The following COLEC11 variants were observed in gnomAD, a reference collection of about 807,000 sequenced individuals.
The protein encoded by COLEC11 is collectin-11.
A neutral mutation model predicts 27.3 loss-of-function variants in COLEC11; 20 were observed. The ratio of observed to expected loss-of-function variants is 0.73; its 90% CI spans 0.51 to 1.06. The LOEUF (loss-of-function observed/expected upper bound fraction) is 1.06. Among genes scored for constraint, COLEC11 ranks in the 50% least tolerant of loss-of-function variants. The probability of loss-of-function intolerance (pLI) is 0.00; values close to 1 mark genes in which losing one functional copy is unlikely to be tolerated. For missense variants in COLEC11, 310 were observed against 383.0 expected, an observed-to-expected ratio of 0.81 and a Z score of 1.59; for synonymous variants, 163 against 154.7, an observed-to-expected ratio of 1.05 and a Z score of -0.40.
chr2:3,597,682 A>G (rs1022682029), intron 1 of COLEC11, among the ~76,000 whole-genome samples: 24 of 152,048 alleles, frequency 1.6e-4, no homozygotes, highest in African/African-American at 5.8e-4. Context: ...ATTAAAAAAA[A>G]AAAAAACTAA....
chr2:3,643,701 C>G (rs1295168926), intron 6 of COLEC11, 26 bp from the exon 7 acceptor site: 1 of 1,613,434 alleles, frequency 6.2e-7, no homozygotes, highest in East Asian at 2.2e-5. Context: ...CAAGTGCTCA[C>G]TTTTCAACCC....
Position 3,610,673 on chromosome 2 carries a change from GC to G in COLEC11, c.131-2635del, listed in dbSNP as rs570657984. On this transcript the variant is annotated intron_variant, in intron 2 of 6. Coordinates refer to ENST00000349077, the MANE Select transcript of COLEC11 (RefSeq NM_024027.5). ...ACCTGGCTTCCCGTCATCCCCTCCA[GC>G]CCTTCCCCCTTGTCTGTGCACCTGC... is the stretch of plus-strand genomic sequence containing the variant. 3.9e-5 allele frequency among the ~76,000 whole-genome samples: 6 copies of G among 152,174 alleles called. No homozygotes were observed. In the South Asian group the frequency reaches 1.2e-3, roughly 32 times the overall value.
intron 3 of COLEC11, among the ~76,000 whole-genome samples, chr2:3,618,537 T>G (rs911926135): frequency 5.3e-5 from 8 of 152,216 alleles, no homozygotes; most frequent in Non-Finnish European, 1.0e-4. Context: ...GTGTCTGTTT[T>G]TATGCCAGTG....
chr2:3,599,373 C>G (rs1218934786), intron 1 of COLEC11, among the ~76,000 whole-genome samples: 1 of 152,128 alleles, frequency 6.6e-6, no homozygotes, highest in African/African-American at 2.4e-5. Context: ...ACCCATTCTG[C>G]GGGAGAATTG....
chr2:3,639,486 G>C (rs968415144), intron 4 of COLEC11, among the ~76,000 whole-genome samples: 1 of 152,206 alleles, frequency 6.6e-6, no homozygotes, highest in Non-Finnish European at 1.5e-5. Context: ...CAGGTGGGTG[G>C]AGACTGCGAA....
chr2:3,621,558 G>A (rs1310096722), intron 3 of COLEC11, among the ~76,000 whole-genome samples: 2 of 152,142 alleles, frequency 1.3e-5, no homozygotes, highest in Non-Finnish European at 1.5e-5. Flanking sequence ...GATAGTTAAG[G>A]ATTTGCCATT....
At chr2:3,640,081 G>T (rs1456790799) in intron 4 of COLEC11, among the ~76,000 whole-genome samples, 197 bp from the exon 5 acceptor site, 1 of 152,186 alleles carries the variant, frequency 6.6e-6, no homozygotes, top group African/African-American at 2.4e-5. Flanking sequence ...GTCACCCCAT[G>T]ACATGTATAT....
At chr2:3,608,154 G>C (rs1662884885) in intron 2 of COLEC11, among the ~76,000 whole-genome samples, 2 of 152,174 alleles carry the variant, frequency 1.3e-5, no homozygotes, top group South Asian at 4.1e-4. Context: ...CCCCAAATAC[G>C]ATCTAGGTAA....
chr2:3,623,421 T>C (rs1416932185), intron 3 of COLEC11, among the ~76,000 whole-genome samples: 6 of 152,178 alleles, frequency 3.9e-5, no homozygotes, highest in Non-Finnish European at 8.8e-5. Flanking sequence ...ACTTCCATAA[T>C]GTGAATGTTA....
At position 3,604,433 on chromosome 2, in the gene COLEC11, C is replaced by T. The variant is rs149818104; in HGVS notation, c.93C>T (p.Asp31=). The T allele has an allele frequency of 2.8e-5, 45 of 1,614,206 alleles. No homozygotes were observed. The African/African-American group carries it at 4.3e-4, about 15-fold the overall frequency. ...PSGHPQPAGD[D]ACSVQILVPG... Reference sequence around the variant, plus strand: ...GACATCCTCAGCCGGCTGGCGATGACGCCTGCTCTGTGCAGATCCTCGTCC... The same window carrying T: ...GACATCCTCAGCCGGCTGGCGATGATGCCTGCTCTGTGCAGATCCTCGTCC... The change falls in exon 2 of 7, where the codon GAC becomes GAT. Residue 31 remains aspartate (D), a synonymous_variant. Coordinates refer to ENST00000349077, the MANE Select transcript of COLEC11 (RefSeq NM_024027.5).
intron 3 of COLEC11, among the ~76,000 whole-genome samples, chr2:3,623,636 G>A (rs1664327644): frequency 6.6e-6 from 1 of 151,634 alleles, no homozygotes. Context: ...CAGCTTTAGA[G>A]TTTCTGTTTG....
At chr2:3,603,807 G>A in intron 1 of COLEC11, 1 of 758,586 alleles carries the variant, frequency 1.3e-6, no homozygotes, top group East Asian at 2.7e-5. Flanking sequence ...AAGGCCAGGT[G>A]CCTGTCTCCT....
intron 3 of COLEC11, among the ~76,000 whole-genome samples, chr2:3,613,668 C>T (rs1663416656): frequency 6.6e-6 from 1 of 152,212 alleles, no homozygotes; most frequent in African/African-American, 2.4e-5. Context: ...ACGGGAATAA[C>T]AGCTTCCAGA....
rs114390274 is a variant in COLEC11 at position 3,598,946 on chromosome 2, T to C, written c.-27+3778T>C. 4.5e-3 allele frequency among the ~76,000 whole-genome samples: 685 copies of C among 152,330 alleles called. 7 individuals carry two copies. Among genetic ancestry groups the C allele is most frequent in the African/African-American group, 0.016 (653 of 41,570 alleles). On this transcript the variant is annotated intron_variant, in intron 1 of 6. Coordinates refer to ENST00000349077, the MANE Select transcript of COLEC11 (RefSeq NM_024027.5). ...TGGTATACAACGTATATTGGCTCCT[T>C]GTTCTCTCCATCAAAAACCTATTTT...
chr2:3,626,228 G>A, intron 3 of COLEC11: 1 of 827,826 alleles, frequency 1.2e-6, no homozygotes, highest in Non-Finnish European at 2.1e-6. Context: ...GACGTGGTTT[G>A]CTGGGAGGGA....
intron 2 of COLEC11, among the ~76,000 whole-genome samples, chr2:3,611,936 C>G (rs1450520629): frequency 6.7e-6 from 1 of 148,292 alleles, no homozygotes; most frequent in African/African-American, 2.6e-5. Context: ...CGAGCTGGTC[C>G]AGTATGATAA....
intron 4 of COLEC11, 28 bp downstream of exon 4, chr2:3,637,632 T>A: frequency 1.3e-6 from 2 of 1,582,580 alleles, no homozygotes; most frequent in East Asian, 2.2e-5. Flanking sequence ...CTTGCCTCAT[T>A]TCCCCCCTGC....
At chr2:3,614,535 C>CT (rs939239804) in intron 3 of COLEC11, among the ~76,000 whole-genome samples, 9 of 151,190 alleles carry the variant, frequency 6.0e-5, no homozygotes, top group African/African-American at 2.4e-5. Context: ...CTGGAACATT[C>CT]TTTTTTTTTC....
At chr2:3,626,427 G>C (rs1224304205) in intron 3 of COLEC11, among the ~76,000 whole-genome samples, 2 of 152,024 alleles carry the variant, frequency 1.3e-5, no homozygotes, top group Admixed American at 6.6e-5. Context: ...TAAAATGGGG[G>C]GTGGGGGGTG....
Sources: gnomAD v4.1 joint callset for allele counts (sites outside exome capture counted in the v4.1 genomes callset) on GRCh38, gnomAD v4.1.1 for gene constraint, MANE v1.5 for transcripts, NCBI Gene and HGNC (gene_info 2026-07-23, HGNC 2026-07-21) for gene names.